Variants in LIMCH1 observed in about 807,000 individuals in gnomAD.
LIMCH1 encodes the protein LIM and calponin homology domains-containing protein 1.
LIMCH1 carries 113 observed loss-of-function variants against 176.5 expected under a neutral mutation model. That is an observed-to-expected ratio of 0.64 (90% CI 0.55 to 0.75). LIMCH1 has a LOEUF of 0.75. Among genes scored for constraint, LIMCH1 ranks in the 30% least tolerant of loss-of-function variants. The pLI is 0.00. For missense variants in LIMCH1, 1,674 were observed against 1,814.9 expected, an observed-to-expected ratio of 0.92 and a Z score of 1.41; for synonymous variants, 619 against 645.9, an observed-to-expected ratio of 0.96 and a Z score of 0.63.
intron 1 of LIMCH1, among the ~76,000 whole-genome samples, chr4:41,448,296 C>T (rs1483659791): frequency 6.6e-6 from 1 of 152,168 alleles, no homozygotes; most frequent in Non-Finnish European, 1.5e-5. Context: ...CAAAATCCCA[C>T]CCCAAATTGG....
At chr4:41,489,662 TTTTTTTTA>T (rs916921618) in intron 1 of LIMCH1, among the ~76,000 whole-genome samples, 5 of 150,722 alleles carry the variant, frequency 3.3e-5, no homozygotes, top group African/African-American at 9.9e-5. Context: ...GTATGAATTC[TTTTTTTTA>T]TTTTTTTATT....
In LIMCH1 at chr4:41,682,675, C is replaced by CTTT. The variant is rs200784058; in HGVS notation, c.3845+217_3845+218insTTT. 1.3e-4 allele frequency among the ~76,000 whole-genome samples: 19 copies of CTTT among 142,400 alleles called. 1 individual carries two copies. The highest frequency in any genetic ancestry group is 3.4e-4 in the African/African-American group (13 of 38,014). 93.4% of individuals were successfully genotyped at this position (142,400 alleles called of 152,430 possible). A position where few individuals can be genotyped will look rare whatever the true frequency, so the allele number is the denominator to read the frequency against. ...AAATAGCCTTATTTTTTTTCTTCTTCTTCTTTTTTTTTTTTTTGCTTGAGA... is the reference window on the plus strand; with the variant it reads ...AAATAGCCTTATTTTTTTTCTTCTTCTTTTTCTTTTTTTTTTTTTTGCTTGAGA... On this transcript the variant is annotated intron_variant, in intron 26 of 31. Coordinates refer to ENST00000503057, the MANE Select transcript of LIMCH1 (RefSeq NM_001330672.2).
intron 2 of LIMCH1, among the ~76,000 whole-genome samples, chr4:41,520,691 C>T (rs1031027396): frequency 6.6e-6 from 1 of 151,960 alleles, no homozygotes; most frequent in Admixed American, 6.6e-5. Flanking sequence ...AAAATAGTTC[C>T]TTCTCATTGG....
At chr4:41,633,834 TG>T (rs754822939) in intron 13 of LIMCH1, 26 bp downstream of exon 13, 1 of 1,530,050 alleles carries the variant, frequency 6.5e-7, no homozygotes, top group South Asian at 1.2e-5. Context: ...TGTGCCCTTG[TG>T]ACTTTGTTTC....
rs182632760 is a variant in LIMCH1 at position 41,449,585 on chromosome 4, T to A, written c.97-44951T>A. Among the ~76,000 whole-genome samples, 4 of 152,330 alleles carry A rather than the reference T, an allele frequency of 2.6e-5. No individual in the cohort carries two copies. The East Asian group carries it at 5.8e-4, about 22-fold the overall frequency. ...ATATTCTCCCTTATACATGAATCTT[T>A]GCACTTTCCCGCATGTCTTCCTAGG... On this transcript the variant is annotated intron_variant, in intron 1 of 26. Coordinates refer to the LIMCH1 transcript ENST00000313860.
chr4:41,670,593 A>T, intron 21 of LIMCH1: 1 of 603,912 alleles, frequency 1.7e-6, no homozygotes, highest in Non-Finnish European at 2.8e-6. Context: ...CTGTAGATTT[A>T]CTGACTCTCA....
At chr4:41,522,749 A>G (rs934773454) in intron 2 of LIMCH1, among the ~76,000 whole-genome samples, 6 of 152,164 alleles carry the variant, frequency 3.9e-5, no homozygotes, top group African/African-American at 9.7e-5. Flanking sequence ...GCTCTGGGGA[A>G]GTCACTCAGA....
chr4:41,628,752 G>C (rs2093139308), intron 8 of LIMCH1, among the ~76,000 whole-genome samples: 1 of 152,132 alleles, frequency 6.6e-6, no homozygotes, highest in Admixed American at 6.6e-5. Flanking sequence ...GCCAGCTAAG[G>C]TTCACTTCAT....
At chr4:41,689,145 C>T (rs912160680) in intron 29 of LIMCH1, among the ~76,000 whole-genome samples, 1 of 151,882 alleles carries the variant, frequency 6.6e-6, no homozygotes, top group African/African-American at 2.4e-5. Flanking sequence ...AATTTAAAAG[C>T]AATATTGAAA....
intron 29 of LIMCH1, among the ~76,000 whole-genome samples, chr4:41,688,166 T>C (rs1350295821): frequency 6.6e-6 from 1 of 152,220 alleles, no homozygotes; most frequent in African/African-American, 2.4e-5. Context: ...TTAATTACAT[T>C]GTGTGGAACC....
At chr4:41,456,414 C>T (rs1270997612) in intron 1 of LIMCH1, among the ~76,000 whole-genome samples, 1 of 152,120 alleles carries the variant, frequency 6.6e-6, no homozygotes, top group East Asian at 1.9e-4. Flanking sequence ...CCTGGGTACA[C>T]CAAGTAATAT....
chr4:41,415,547 G>A (rs971643904), intron 1 of LIMCH1, among the ~76,000 whole-genome samples: 1 of 152,146 alleles, frequency 6.6e-6, no homozygotes, highest in Non-Finnish European at 1.5e-5. Context: ...CTGAAACCCA[G>A]CCTTGCCCAT....
At chr4:41,500,088 G>A (rs2072988241) in intron 2 of LIMCH1, among the ~76,000 whole-genome samples, 1 of 152,228 alleles carries the variant, frequency 6.6e-6, no homozygotes, top group African/African-American at 2.4e-5. Flanking sequence ...AGTAGGGTTT[G>A]TCCCATTGCT....
chr4:41,611,545 G>A lies in LIMCH1; in HGVS notation c.10-1921G>A, dbSNP rs187931295. 4.8e-4 allele frequency among the ~76,000 whole-genome samples: 73 copies of A among 152,292 alleles called. 3 individuals are homozygous for A. The highest frequency in any genetic ancestry group is 3.2e-3 in the Admixed American group (49 of 15,306). Reference sequence around the variant, plus strand: ...ATGATCAAATATTTTCAGCTATACCGTTTGGGATTTGGAGACAGAGTCCTG... The same window carrying A: ...ATGATCAAATATTTTCAGCTATACCATTTGGGATTTGGAGACAGAGTCCTG... On this transcript the variant is annotated intron_variant, in intron 4 of 31. Transcript: ENST00000503057.
intron 1 of LIMCH1, among the ~76,000 whole-genome samples, chr4:41,455,620 CA>C (rs544696695): frequency 2.5e-4 from 38 of 151,556 alleles, no homozygotes; most frequent in Admixed American, 1.8e-3. Context: ...TAAAATGACT[CA>C]AAAAACAAAA....
Position 41,494,607 on chromosome 4 carries a change from G to C in LIMCH1, c.167+1G>C. On this transcript the variant is annotated splice_donor_variant, in intron 2 of 26. Coordinates refer to the LIMCH1 transcript ENST00000313860. LOFTEE classifies it high-confidence loss of function. The stretch of plus-strand genomic sequence containing the variant: ...TAGAAAATGGAATCCTCCTCTGCGA[G>C]TAAGTATAGCCTATATTCAGTTGGT... 2 of 1,599,732 alleles carry C rather than the reference G, an allele frequency of 1.3e-6. No individual in the cohort carries two copies. The highest frequency in any genetic ancestry group is 1.7e-6 in the Non-Finnish European group (2 of 1,168,310).
Position 41,454,014 on chromosome 4 carries a change from A to G in LIMCH1, c.97-40522A>G, listed in dbSNP as rs186193883. On this transcript the variant is annotated intron_variant, in intron 1 of 26. Transcript: ENST00000313860. ...AACACCAAGTCATCCTTCCTATCTA[A>G]GTTTAAATATCACTGCTTTGGAGAA... Among the ~76,000 whole-genome samples the G allele has an allele frequency of 8.7e-4, 133 of 152,120 alleles. 3 individuals are homozygous for G. The East Asian group carries it at 0.023, about 26-fold the overall frequency.
intron 1 of LIMCH1, among the ~76,000 whole-genome samples, chr4:41,581,108 G>GTCTATCTA (rs1329265925): frequency 0.02 from 2,545 of 128,712 alleles, 55 homozygotes; most frequent in African/African-American, 0.081. Context: ...TCATCTGTCT[G>GTCTATCTA]TCTGTCTATC....
intron 3 of LIMCH1, among the ~76,000 whole-genome samples, chr4:41,530,819 AT>A (rs71650934): frequency 1.5e-3 from 131 of 84,712 alleles, no homozygotes; most frequent in Middle Eastern, 0.024. Context: ...AAAAAAAAAA[AT>A]TTTTTTTTTT....
Sources: gnomAD v4.1 joint callset for allele counts (sites outside exome capture counted in the v4.1 genomes callset) on GRCh38, gnomAD v4.1.1 for gene constraint, MANE v1.5 for transcripts, NCBI Gene and HGNC (gene_info 2026-07-23, HGNC 2026-07-21) for gene names.